KCNH1: variants seen among roughly 807,000 people sequenced by gnomAD.
The protein encoded by KCNH1 is potassium voltage-gated channel subfamily H member 1, also known as voltage-gated delayed rectifier potassium channel KCNH1.
KCNH1 carries 27 observed loss-of-function variants against 69.2 expected under a neutral mutation model. The ratio of observed to expected loss-of-function variants is 0.39; its 90% CI spans 0.29 to 0.54. KCNH1 has a LOEUF of 0.54. Ranked by LOEUF, KCNH1 falls within the 20% of genes least tolerant of loss-of-function variation. The pLI is 0.68. For synonymous variants in KCNH1, 456 were observed against 487.7 expected (o/e 0.93, Z 0.86); for missense variants, 798 against 1,261.6 (o/e 0.63, Z 5.57).
intron 5 of KCNH1, among the ~76,000 whole-genome samples, chr1:211,077,705 G>A (rs140271075): frequency 0.016 from 2,489 of 152,120 alleles, 84 homozygotes; most frequent in African/African-American, 0.057. Context: ...ATCAACTAAC[G>A]GACAAAATAA....
intron 5 of KCNH1, among the ~76,000 whole-genome samples, chr1:211,029,919 C>T (rs1196258674): frequency 6.6e-6 from 1 of 152,058 alleles, no homozygotes; most frequent in Non-Finnish European, 1.5e-5. Context: ...TTACATAATA[C>T]CATTTATAAT....
At chr1:210,880,664 C>T (rs913296812) in intron 7 of KCNH1, among the ~76,000 whole-genome samples, 4 of 152,032 alleles carry the variant, frequency 2.6e-5, no homozygotes, top group African/African-American at 9.7e-5. Context: ...TAGATCATCT[C>T]GGGTTTGGTG....
At chr1:210,849,050 T>C (rs902095783) in intron 7 of KCNH1, among the ~76,000 whole-genome samples, 1 of 152,210 alleles carries the variant, frequency 6.6e-6, no homozygotes, top group Non-Finnish European at 1.5e-5. Flanking sequence ...AGATTACTTC[T>C]AGATAGAAGG....
intron 9 of KCNH1, among the ~76,000 whole-genome samples, chr1:210,792,056 A>T (rs1186449654): frequency 6.6e-6 from 1 of 152,110 alleles, no homozygotes; most frequent in East Asian, 1.9e-4. Flanking sequence ...AATCTTCCCC[A>T]TGGCTCTTCC....
chr1:210,893,796 C>T (rs1167259215), intron 7 of KCNH1, among the ~76,000 whole-genome samples: 2 of 152,052 alleles, frequency 1.3e-5, no homozygotes, highest in African/African-American at 4.8e-5. Flanking sequence ...ATTCTTTTCT[C>T]TCTATGTATT....
intron 6 of KCNH1, among the ~76,000 whole-genome samples, chr1:210,983,602 G>C (rs994130167): frequency 2.6e-5 from 4 of 152,158 alleles, no homozygotes; most frequent in African/African-American, 4.8e-5. Context: ...CATTATTTCT[G>C]AGGGCTCTGT....
chr1:211,032,062 G>C (rs1358656942), intron 5 of KCNH1, among the ~76,000 whole-genome samples: 1 of 152,172 alleles, frequency 6.6e-6, no homozygotes, highest in South Asian at 2.1e-4. Context: ...CTTCAGCAAA[G>C]TCTCAGGATA....
At chr1:210,705,383 G>A (rs755950932) in intron 10 of KCNH1, among the ~76,000 whole-genome samples, 1 of 152,158 alleles carries the variant, frequency 6.6e-6, no homozygotes, top group African/African-American at 2.4e-5. Context: ...GTAACACATG[G>A]AGGTCAGACA....
intron 7 of KCNH1, among the ~76,000 whole-genome samples, chr1:210,875,539 A>T (rs1216275121): frequency 6.6e-6 from 1 of 152,244 alleles, no homozygotes; most frequent in Non-Finnish European, 1.5e-5. Flanking sequence ...GCAGTGGCTC[A>T]TGCCTGTAAT....
chr1:211,045,064 A>ATATATATATATAT (rs1490472380), intron 5 of KCNH1, among the ~76,000 whole-genome samples: 24 of 128,208 alleles, frequency 1.9e-4, no homozygotes, highest in East Asian at 6.4e-4. Flanking sequence ...ATATATGAAT[A>ATATATATATATAT]ATAGAATAGT....
At chr1:210,868,471 T>C (rs1029791159) in intron 7 of KCNH1, among the ~76,000 whole-genome samples, 8 of 151,968 alleles carry the variant, frequency 5.3e-5, no homozygotes, top group African/African-American at 1.9e-4. Flanking sequence ...TAAGAAATCT[T>C]CGCATATGCC....
At chr1:210,707,171 G>A (rs1558431987) in intron 10 of KCNH1, among the ~76,000 whole-genome samples, 1 of 152,280 alleles carries the variant, frequency 6.6e-6, no homozygotes, top group African/African-American at 2.4e-5. Context: ...TCTGGTAGGC[G>A]TGAGCAAGTG....
chr1:210,908,328 C>G (rs1253328305), intron 7 of KCNH1, among the ~76,000 whole-genome samples: 1 of 152,212 alleles, frequency 6.6e-6, no homozygotes, highest in African/African-American at 2.4e-5. Flanking sequence ...TTCAGAAAGG[C>G]TTTTGCTCAG....
intron 10 of KCNH1, among the ~76,000 whole-genome samples, chr1:210,729,573 A>G (rs1934625): frequency 0.46 from 69,279 of 152,066 alleles, 16,283 homozygotes; most frequent in East Asian, 0.69. Flanking sequence ...AGAATTTTGA[A>G]TATGGTATAA....
chr1:210,688,877 T>C (rs1468841030), intron 10 of KCNH1, among the ~76,000 whole-genome samples: 1 of 152,196 alleles, frequency 6.6e-6, no homozygotes, highest in East Asian at 1.9e-4. Context: ...GCCCTGGTGA[T>C]AGAAAACTAC....
At chr1:210,848,745 T>C (rs562187435) in intron 7 of KCNH1, among the ~76,000 whole-genome samples, 1 of 152,240 alleles carries the variant, frequency 6.6e-6, no homozygotes, top group Non-Finnish European at 1.5e-5. Context: ...GGCTTCATAA[T>C]AATATACTAT....
At chr1:210,945,628 G>A (rs1017387939) in intron 6 of KCNH1, among the ~76,000 whole-genome samples, 8 of 152,158 alleles carry the variant, frequency 5.3e-5, no homozygotes, top group Non-Finnish European at 1.0e-4. Context: ...TCTCTCTCCT[G>A]ATTCAGGATG....
chr1:210,962,771 C>T (rs1688317749), intron 6 of KCNH1, among the ~76,000 whole-genome samples: 1 of 151,354 alleles, frequency 6.6e-6, no homozygotes, highest in African/African-American at 2.4e-5. Flanking sequence ...GAGTCTCATA[C>T]CTAGGAATAA....
At chr1:210,751,965 G>A (rs574223695) in intron 10 of KCNH1, among the ~76,000 whole-genome samples, 45 of 152,240 alleles carry the variant, frequency 3.0e-4, no homozygotes, top group African/African-American at 9.9e-4. Flanking sequence ...AAGGCTGCAA[G>A]CAGAAAACAG....
Sources: allele counts gnomAD v4.1 joint callset (sites outside exome capture counted in the v4.1 genomes callset), GRCh38; gene constraint gnomAD v4.1.1; transcripts MANE v1.5; gene names NCBI Gene and HGNC (gene_info 2026-07-23, HGNC 2026-07-21).